ZDHHC11: variants seen among roughly 807,000 people sequenced by gnomAD.
ZDHHC11 encodes palmitoyltransferase ZDHHC11.
In ZDHHC11, 44 loss-of-function variants were observed where a neutral mutation model predicts 51.3. That is an observed-to-expected ratio of 0.86 (90% CI 0.67 to 1.10). The LOEUF is 1.10. Among genes scored for constraint, ZDHHC11 ranks in the 50% least tolerant of loss-of-function variants. The pLI, the probability that ZDHHC11 is intolerant of heterozygous loss-of-function variation, is 0.00. For synonymous variants in ZDHHC11, 163 were observed against 222.0 expected, an observed-to-expected ratio of 0.73 and a Z score of 2.36; for missense variants, 400 against 537.7, an observed-to-expected ratio of 0.74 and a Z score of 2.53.
chr5:835,085 A>G, intron 6 of ZDHHC11, among the ~76,000 whole-genome samples: 1 of 151,608 alleles, frequency 6.6e-6, no homozygotes, highest in East Asian at 1.9e-4. Context: ...ATCAAAGACA[A>G]GCTTTGTCTC....
intron 5 of ZDHHC11, among the ~76,000 whole-genome samples, chr5:838,009 C>T (rs1271561065): frequency 6.6e-6 from 1 of 151,876 alleles, no homozygotes; most frequent in Admixed American, 6.6e-5. Context: ...GGGCGGCCAC[C>T]CCGAGGTGCT....
chr5:806,871 G>A (rs1254857686), intron 11 of ZDHHC11, among the ~76,000 whole-genome samples: 2 of 151,144 alleles, frequency 1.3e-5, no homozygotes, highest in Non-Finnish European at 3.0e-5. Flanking sequence ...AGGACATGAA[G>A]CAATAGGACT....
chr5:817,163 T>C (rs1293313709), intron 10 of ZDHHC11, among the ~76,000 whole-genome samples: 3 of 151,596 alleles, frequency 2.0e-5, no homozygotes, highest in African/African-American at 7.3e-5. Context: ...ATATGAGAAG[T>C]TGTAGCTCTG....
chr5:841,930 A>G (rs1745050636), intron 4 of ZDHHC11: 1 of 989,038 alleles, frequency 1.0e-6, no homozygotes, highest in African/African-American at 1.7e-5. Context: ...CTAGAAGGCA[A>G]ACACCACACT....
chr5:856,622 A>G (rs1748291420), intron 1 of ZDHHC11, among the ~76,000 whole-genome samples: 1 of 151,484 alleles, frequency 6.6e-6, no homozygotes. Flanking sequence ...ATGCAACAGA[A>G]GCAAAACACA....
chr5:812,164 CAA>C (rs1218153011), intron 11 of ZDHHC11, among the ~76,000 whole-genome samples: 1 of 148,568 alleles, frequency 6.7e-6, no homozygotes, highest in Non-Finnish European at 1.5e-5. Flanking sequence ...AAAATATCAG[CAA>C]AGAGTTCTGT....
intron 1 of ZDHHC11, chr5:849,799 T>G (rs1746860330): frequency 6.6e-6 from 1 of 152,536 alleles, no homozygotes; most frequent in Non-Finnish European, 1.5e-5. Context: ...CCTGGCTCCC[T>G]CCTCCTCTCA....
rs1264321804 is a variant in ZDHHC11, at chr5:809,440, G to A, written c.1181+5321C>T. On this transcript the variant is annotated intron_variant, in intron 11 of 12. Transcript: ENST00000283441. ...ATGTGGGTCCCGGATGACAGGATTC[G>A]TGAGTGCCTTCAGAACACGCATGTG... Among the ~76,000 whole-genome samples the A allele has an allele frequency of 2.7e-5, 4 of 148,702 alleles. 1 individual carries two copies. The highest frequency in any genetic ancestry group is 4.4e-5 in the Non-Finnish European group (3 of 67,490).
chr5:801,689 G>A (rs1165564196), intron 11 of ZDHHC11, among the ~76,000 whole-genome samples: 3 of 151,400 alleles, frequency 2.0e-5, no homozygotes, highest in African/African-American at 7.3e-5. Context: ...GCTGGCAGTA[G>A]AAGTGACCGT....
At chr5:856,233 G>A (rs1055101565) in intron 1 of ZDHHC11, among the ~76,000 whole-genome samples, 40 of 133,208 alleles carry the variant, frequency 3.0e-4, no homozygotes, top group African/African-American at 1.1e-3. Flanking sequence ...ACCACACACC[G>A]CATACCACAT....
upstream of ZDHHC11, among the ~76,000 whole-genome samples, chr5:860,534 A>C (rs1285593637): frequency 1.3e-5 from 2 of 151,930 alleles, no homozygotes; most frequent in Non-Finnish European, 2.9e-5. This position sits in a 1 kb window ranked among gnomAD's most constrained non-coding sequence, Gnocchi z 4.2. Flanking sequence ...GTGCTGCTGT[A>C]ACAAAATACC....
chr5:845,278 G>C (rs1745948157), intron 3 of ZDHHC11, among the ~76,000 whole-genome samples: 1 of 152,284 alleles, frequency 6.6e-6, no homozygotes, highest in Admixed American at 6.5e-5. Context: ...AGTCCTCCTG[G>C]GCTTGAGCCC....
Position 800,180 on chromosome 5 carries a change from G to T in ZDHHC11, c.*7+920C>A, listed in dbSNP as rs918320829. ...GGCACCCAGACGGCTGTGGGAAGCT[G>T]CCTGGAGCACAGGAACTCTGAGGAT... On this transcript the variant is annotated intron_variant, in intron 12 of 12. Coordinates refer to ENST00000283441, the MANE Select transcript of ZDHHC11 (RefSeq NM_024786.3). Among the ~76,000 whole-genome samples, 5 of 151,104 alleles carry T rather than the reference G, an allele frequency of 3.3e-5. 1 individual carries two copies. The highest frequency in any genetic ancestry group is 5.9e-5 in the Non-Finnish European group (4 of 67,628).
In ZDHHC11 at chr5:813,116, C is replaced by T. The variant is rs375084507; in HGVS notation, c.1181+1645G>A. Among the ~76,000 whole-genome samples the T allele has an allele frequency of 2.8e-5, 4 of 144,878 alleles. 1 individual carries two copies. The highest frequency in any genetic ancestry group is 7.1e-5 in the Admixed American group (1 of 14,144). On this transcript the variant is annotated intron_variant, in intron 11 of 12. Transcript: ENST00000283441. The stretch of plus-strand genomic sequence containing the variant: ...CTTTAGGAGGCTGAGGCAGGCAAAT[C>T]GCTTGAGCTCAGGAGTTCGAGACCA...
At chr5:828,999 A>G (rs1490461620) in intron 7 of ZDHHC11, among the ~76,000 whole-genome samples, 4 of 130,338 alleles carry the variant, frequency 3.1e-5, no homozygotes, top group African/African-American at 1.2e-4. Context: ...AGCAAAAGTG[A>G]TGTTTAAAGG....
chr5:836,095 G>A (rs546310912), intron 6 of ZDHHC11, among the ~76,000 whole-genome samples: 1 of 144,806 alleles, frequency 6.9e-6, no homozygotes, highest in Admixed American at 6.7e-5. Flanking sequence ...GAAGTAGGAG[G>A]AAAGGGCGTC....
chr5:824,727 C>G (rs1435892230), intron 8 of ZDHHC11, among the ~76,000 whole-genome samples: 1 of 150,946 alleles, frequency 6.6e-6, no homozygotes, highest in Non-Finnish European at 1.5e-5. Context: ...ATCGTCTATT[C>G]CCATCTGTCT....
chr5:798,403 A>G (rs1161883510), intron 12 of ZDHHC11, among the ~76,000 whole-genome samples: 1 of 151,616 alleles, frequency 6.6e-6, no homozygotes, highest in African/African-American at 2.4e-5. Context: ...ATGGACACGG[A>G]CACGCGCACG....
intron 1 of ZDHHC11, among the ~76,000 whole-genome samples, chr5:856,629 C>T (rs1326630835): frequency 6.6e-6 from 1 of 151,488 alleles, no homozygotes; most frequent in Non-Finnish European, 1.5e-5. Flanking sequence ...AGAAGCAAAA[C>T]ACACACACCA....
Sources: gnomAD v4.1 joint callset for allele counts (sites outside exome capture counted in the v4.1 genomes callset) on GRCh38, gnomAD v4.1.1 for gene constraint, Gnocchi (gnomAD v3.1) non-coding constraint, MANE v1.5 for transcripts, NCBI Gene and HGNC (gene_info 2026-07-23, HGNC 2026-07-21) for gene names.